Variants in LRRIQ1 observed in about 807,000 individuals in gnomAD.
LRRIQ1 encodes leucine-rich repeat- and IQ domain-containing protein 1.
In LRRIQ1, 210 loss-of-function variants were observed where a neutral mutation model predicts 211.9. That is an observed-to-expected ratio of 0.99 (90% CI 0.89 to 1.11). LRRIQ1 has a LOEUF of 1.11. Ranked by LOEUF, LRRIQ1 falls within the 50% of genes most tolerant of loss-of-function variation. The pLI is 0.00. For missense variants in LRRIQ1, 2,136 were observed against 1,939.5 expected, an observed-to-expected ratio of 1.10 and a Z score of -1.90; for synonymous variants, 699 against 650.1, an observed-to-expected ratio of 1.08 and a Z score of -1.14.
In LRRIQ1 at chr12:85,168,778, G is replaced by T. The variant is rs372084669; in HGVS notation, c.4822+8064G>T. Among the ~76,000 whole-genome samples, 16 of 152,248 alleles carry T rather than the reference G, an allele frequency of 1.1e-4. No homozygotes were observed. The East Asian group carries it at 2.7e-3, about 26-fold the overall frequency. On this transcript the variant is annotated intron_variant, in intron 24 of 26. Transcript: ENST00000393217. ...TATTTTGTATTGTAATTGTGACTTC[G>T]AAAGGCCATTCCACCATTCTATCAA...
intron 24 of LRRIQ1, among the ~76,000 whole-genome samples, chr12:85,205,026 A>G (rs1893473871): frequency 6.6e-6 from 1 of 152,128 alleles, no homozygotes; most frequent in Non-Finnish European, 1.5e-5. Context: ...AGATAATTAA[A>G]TCAGGGGGGT....
intron 11 of LRRIQ1, among the ~76,000 whole-genome samples, chr12:85,089,341 A>G (rs1447039872): frequency 2.6e-5 from 4 of 152,218 alleles, no homozygotes; most frequent in Non-Finnish European, 4.4e-5. Flanking sequence ...AAATTTTGAA[A>G]CAGCTTTGGA....
intron 11 of LRRIQ1, among the ~76,000 whole-genome samples, chr12:85,075,392 C>T (rs1037571420): frequency 2.6e-5 from 4 of 152,020 alleles, no homozygotes; most frequent in African/African-American, 9.7e-5. Flanking sequence ...GTTCTGCAGG[C>T]TTTACAGGAA....
At chr12:85,198,108 TATATATA>T (rs1210019825) in intron 24 of LRRIQ1, among the ~76,000 whole-genome samples, 27 of 119,826 alleles carry the variant, frequency 2.3e-4, no homozygotes, top group East Asian at 4.2e-4. Context: ...TTATATTATT[TATATATA>T]ATATATAATA....
rs894626123 is a variant in LRRIQ1, at chr12:85,081,049, C to G, written c.2887+7951C>G. Among the ~76,000 whole-genome samples, 3 of 152,124 alleles carry G rather than the reference C, an allele frequency of 2.0e-5. No homozygotes were observed. The South Asian group carries it at 6.2e-4, about 32-fold the overall frequency. On this transcript the variant is annotated intron_variant, in intron 11 of 26. Coordinates refer to ENST00000393217, the MANE Select transcript of LRRIQ1 (RefSeq NM_001079910.2). Reference sequence around the variant, plus strand: ...ATTATTTGAAGTTTAGCTTCAGGCCCTCAGAACCCTTTCTGTATTTGAATG... The same window carrying G: ...ATTATTTGAAGTTTAGCTTCAGGCCGTCAGAACCCTTTCTGTATTTGAATG...
At chr12:85,061,788 A>G (rs1407006577) in intron 8 of LRRIQ1, among the ~76,000 whole-genome samples, 2 of 151,802 alleles carry the variant, frequency 1.3e-5, no homozygotes, top group Middle Eastern at 3.2e-3. Flanking sequence ...TTATCTCCCT[A>G]CAAATTGATG....
At chr12:85,037,936 A>C (rs931127406) in intron 1 of LRRIQ1, among the ~76,000 whole-genome samples, 1 of 151,982 alleles carries the variant, frequency 6.6e-6, no homozygotes, top group Non-Finnish European at 1.5e-5. Flanking sequence ...ATATAAATCA[A>C]TAAGAGTATT....
chr12:85,266,625 C>G (rs954169741), downstream of LRRIQ1, among the ~76,000 whole-genome samples: 3 of 152,082 alleles, frequency 2.0e-5, no homozygotes, highest in Admixed American at 1.3e-4. Flanking sequence ...CGAGAGCCCT[C>G]TCTAGTGGAT....
chr12:85,081,542 C>T (rs1263754223), intron 11 of LRRIQ1, among the ~76,000 whole-genome samples: 7 of 151,684 alleles, frequency 4.6e-5, no homozygotes, highest in African/African-American at 1.7e-4. Context: ...TAAAAGTACA[C>T]ACTTAATTTA....
intron 1 of LRRIQ1, among the ~76,000 whole-genome samples, chr12:85,036,685 C>T (rs1878132193): frequency 6.6e-6 from 1 of 151,934 alleles, no homozygotes; most frequent in Admixed American, 6.6e-5. Flanking sequence ...CGTTATTTTC[C>T]TTCCTTCCTT....
chr12:85,237,803 C>T (rs1222049542), intron 26 of LRRIQ1, among the ~76,000 whole-genome samples: 1 of 152,088 alleles, frequency 6.6e-6, no homozygotes, highest in Non-Finnish European at 1.5e-5. Context: ...AAAACTGCCT[C>T]TGTTAGAATA....
At chr12:85,218,688 T>C (rs1254248134) in intron 24 of LRRIQ1, among the ~76,000 whole-genome samples, 1 of 152,048 alleles carries the variant, frequency 6.6e-6, no homozygotes, top group Non-Finnish European at 1.5e-5. Flanking sequence ...GGACCTCTTG[T>C]AATGGAAAAT....
chr12:85,051,063 G>C (rs1206812908), intron 6 of LRRIQ1, among the ~76,000 whole-genome samples: 1 of 152,118 alleles, frequency 6.6e-6, no homozygotes, highest in African/African-American at 2.4e-5. Flanking sequence ...TTGTGTCATG[G>C]AGGTGGATCC....
At chr12:85,261,183 C>T (rs899515862) in intron 1 of LRRIQ1, among the ~76,000 whole-genome samples, 2 of 152,060 alleles carry the variant, frequency 1.3e-5, no homozygotes, top group African/African-American at 2.4e-5. Context: ...GAGCATTAGT[C>T]TTTATTGTAT....
At chr12:85,210,573 G>T (rs148952630) in intron 24 of LRRIQ1, among the ~76,000 whole-genome samples, 1 of 152,126 alleles carries the variant, frequency 6.6e-6, no homozygotes, top group Non-Finnish European at 1.5e-5. Flanking sequence ...CAAGATCACA[G>T]ATAGTAAATA....
At chr12:85,263,669 G>A (rs1565934277) in exon 2 of LRRIQ1, 1 of 151,756 alleles carries the variant, frequency 6.6e-6, no homozygotes, top group Admixed American at 6.6e-5. Context: ...TATCTGTAAC[G>A]TCAGATGTTT....
intron 1 of LRRIQ1, among the ~76,000 whole-genome samples, chr12:85,257,143 T>TA (rs1381466295): frequency 3.5e-5 from 4 of 113,022 alleles, no homozygotes; most frequent in Non-Finnish European, 7.2e-5. Flanking sequence ...ATATTATATA[T>TA]TTATATGATT....
At chr12:85,184,876 A>G (rs1362413204) in intron 24 of LRRIQ1, among the ~76,000 whole-genome samples, 4 of 152,042 alleles carry the variant, frequency 2.6e-5, no homozygotes, top group Admixed American at 6.6e-5. Flanking sequence ...ATTAAAATAT[A>G]TAAGAACTAA....
At chr12:85,170,182 A>C (rs1891345977) in intron 24 of LRRIQ1, among the ~76,000 whole-genome samples, 1 of 146,612 alleles carries the variant, frequency 6.8e-6, no homozygotes, top group Non-Finnish European at 1.5e-5. Flanking sequence ...TAAATAGCTC[A>C]TATTTTTTGT....
Sources: gnomAD v4.1 joint callset for allele counts (sites outside exome capture counted in the v4.1 genomes callset) on GRCh38, gnomAD v4.1.1 for gene constraint, MANE v1.5 for transcripts, NCBI Gene and HGNC (gene_info 2026-07-23, HGNC 2026-07-21) for gene names.